Variants in GLB1 observed in about 807,000 individuals in gnomAD.
GLB1 encodes the protein galactosidase beta 1, also known as beta-galactosidase.
Under a neutral mutation model 74.0 loss-of-function variants are expected in GLB1, and 56 were observed. The ratio of observed to expected loss-of-function variants is 0.76; its 90% confidence interval spans 0.61 to 0.94. The LOEUF is 0.94. Ranked by LOEUF, GLB1 falls within the 40% of genes least tolerant of loss-of-function variation. GLB1 has a pLI of 0.00. For missense variants in GLB1, 787 were observed against 845.5 expected, an observed-to-expected ratio of 0.93 and a Z score of 0.86; for synonymous variants, 323 against 323.6, an observed-to-expected ratio of 1.00 and a Z score of 0.02.
intron 1 of GLB1, among the ~76,000 whole-genome samples, chr3:33,076,613 C>T (rs1363117565): frequency 1.3e-5 from 2 of 152,198 alleles, no homozygotes; most frequent in Non-Finnish European, 2.9e-5. Context: ...CCTGAAGAGG[C>T]TCCCACTGTT....
chr3:32,969,895 C>T, the GLB1 span, among the ~76,000 whole-genome samples: 20 of 152,232 alleles, frequency 1.3e-4, no homozygotes, highest in Admixed American at 1.2e-3. Flanking sequence ...GCCTACTTGG[C>T]CCCCGGGAGT....
chr3:33,008,531 G>A (rs1205261360), intron 15 of GLB1, among the ~76,000 whole-genome samples: 1 of 152,198 alleles, frequency 6.6e-6, no homozygotes, highest in African/African-American at 2.4e-5. Context: ...CTTCAGTGGA[G>A]AGGGTGGAGA....
chr3:33,008,857 C>T (rs151184105), intron 15 of GLB1, among the ~76,000 whole-genome samples: 1,654 of 152,142 alleles, frequency 0.011, 7 homozygotes, highest in Middle Eastern at 0.02. Flanking sequence ...CAGTGGTTCA[C>T]GCCTGTAATC....
chr3:33,079,208 CG>C (rs1159061628), intron 1 of GLB1, among the ~76,000 whole-genome samples: 2 of 152,020 alleles, frequency 1.3e-5, no homozygotes, highest in Admixed American at 6.6e-5. Context: ...TGGGAAGGGA[CG>C]TGAGGGAACT....
At chr3:32,999,411 C>T (rs759489724) in intron 15 of GLB1, among the ~76,000 whole-genome samples, 12 of 152,296 alleles carry the variant, frequency 7.9e-5, no homozygotes, top group Non-Finnish European at 1.3e-4. Context: ...ACCACACAGG[C>T]TTCATGCTAT....
At chr3:32,985,868 G>A in the GLB1 span, among the ~76,000 whole-genome samples, 3 of 151,974 alleles carry the variant, frequency 2.0e-5, no homozygotes, top group African/African-American at 7.3e-5. Flanking sequence ...GCAACACCAT[G>A]TCTGGCTAAT....
intron 1 of GLB1, among the ~76,000 whole-genome samples, chr3:33,075,305 C>T (rs1296286334): frequency 6.6e-6 from 1 of 152,148 alleles, no homozygotes; most frequent in Non-Finnish European, 1.5e-5. Flanking sequence ...AAGGGTAGAG[C>T]TGTTTGAAAT....
intron 5 of GLB1, among the ~76,000 whole-genome samples, chr3:33,059,803 T>C (rs1031587226): frequency 3.3e-5 from 5 of 152,164 alleles, no homozygotes; most frequent in Non-Finnish European, 7.4e-5. Context: ...ATTTCATTTA[T>C]AAAAAATTAA....
intron 10 of GLB1, among the ~76,000 whole-genome samples, chr3:33,024,843 CACACAG>C (rs1177416000): frequency 6.6e-6 from 1 of 151,534 alleles, no homozygotes; most frequent in Non-Finnish European, 1.5e-5. Flanking sequence ...AGAAAACACA[CACACAG>C]ACAGAGAGAG....
intron 10 of GLB1, chr3:33,045,225 G>T: frequency 1.9e-6 from 1 of 532,076 alleles, no homozygotes; most frequent in Non-Finnish European, 2.4e-6. Context: ...TCAGTAGACT[G>T]ATTTGCTCAT....
intron 10 of GLB1, among the ~76,000 whole-genome samples, chr3:33,026,230 C>G (rs1384390419): frequency 6.6e-6 from 1 of 152,208 alleles, no homozygotes; most frequent in Non-Finnish European, 1.5e-5. Flanking sequence ...CCTAGCCTCT[C>G]TCTTCTCCCA....
the GLB1 span, among the ~76,000 whole-genome samples, chr3:32,974,653 T>A: frequency 6.6e-6 from 1 of 152,140 alleles, no homozygotes; most frequent in African/African-American, 2.4e-5. Context: ...GTAGAGCCTA[T>A]GGTGTAAGTC....
intron 15 of GLB1, among the ~76,000 whole-genome samples, chr3:33,002,728 T>C (rs1365727052): frequency 2.0e-5 from 3 of 152,188 alleles, no homozygotes; most frequent in Non-Finnish European, 4.4e-5. Context: ...TTTTAAGTTG[T>C]AGTTTAAAAT....
At chr3:32,963,613 T>C in the GLB1 span, among the ~76,000 whole-genome samples, 2 of 133,892 alleles carry the variant, frequency 1.5e-5, no homozygotes, top group Non-Finnish European at 3.1e-5. Context: ...ATGGTTGAAA[T>C]GCTTAATAAT....
the GLB1 span, among the ~76,000 whole-genome samples, chr3:32,991,173 G>C: frequency 6.6e-6 from 1 of 152,074 alleles, no homozygotes; most frequent in Non-Finnish European, 1.5e-5. Flanking sequence ...TTCACACAGT[G>C]GATTTCCTGC....
chr3:33,076,630 G>A (rs1330935980), intron 1 of GLB1, among the ~76,000 whole-genome samples: 1 of 152,192 alleles, frequency 6.6e-6, no homozygotes, highest in Admixed American at 6.5e-5. Flanking sequence ...TGTTCTTGGG[G>A]AGAAATCTGA....
intron 10 of GLB1, among the ~76,000 whole-genome samples, chr3:33,028,303 A>G (rs902814467): frequency 6.6e-6 from 1 of 152,200 alleles, no homozygotes; most frequent in Non-Finnish European, 1.5e-5. Flanking sequence ...TTAACACATG[A>G]GAGTACAGCC....
At chr3:33,009,030 A>C (rs1460026408) in intron 15 of GLB1, among the ~76,000 whole-genome samples, 1 of 150,196 alleles carries the variant, frequency 6.7e-6, no homozygotes, top group Non-Finnish European at 1.5e-5. Flanking sequence ...GAGGCAGGAG[A>C]ATCGCTTGAA....
At chr3:33,064,067 T>C (rs977477382) in intron 5 of GLB1, among the ~76,000 whole-genome samples, 4 of 152,054 alleles carry the variant, frequency 2.6e-5, no homozygotes, top group Admixed American at 1.3e-4. Flanking sequence ...CACACTCCCC[T>C]AGGGAGTGCC....
Sources: gnomAD v4.1 joint callset for allele counts (sites outside exome capture counted in the v4.1 genomes callset) on GRCh38, gnomAD v4.1.1 for gene constraint, MANE v1.5 for transcripts, NCBI Gene and HGNC (gene_info 2026-07-23, HGNC 2026-07-21) for gene names.